The following LY9 variants were observed in gnomAD, a reference collection of about 807,000 sequenced individuals.
LY9 encodes the protein T-lymphocyte surface antigen Ly-9.
LY9 carries 59 observed loss-of-function variants against 64.6 expected under a neutral mutation model. The observed-to-expected ratio is 0.91, with a 90% confidence interval of 0.74 to 1.13. The LOEUF (loss-of-function observed/expected upper bound fraction) is 1.13. LY9 is among the 50% of genes most tolerant of loss of function. The pLI is 0.00. For synonymous variants in LY9, 281 were observed against 308.5 expected (o/e 0.91, Z 0.93); for missense variants, 789 against 797.2 (o/e 0.99, Z 0.12).
chr1:160,820,254 T>C (rs997395877), intron 7 of LY9, among the ~76,000 whole-genome samples: 3 of 152,046 alleles, frequency 2.0e-5, no homozygotes, highest in African/African-American at 7.2e-5. Context: ...TCGTGGGAAA[T>C]GGAACTGCTC....
At chr1:160,802,123 A>G in intron 2 of LY9, 2 of 1,343,312 alleles carry the variant, frequency 1.5e-6, no homozygotes, top group Non-Finnish European at 1.9e-6. Context: ...CAACTTGGAG[A>G]CTCCTGGTCT....
chr1:160,803,876 G>A (rs574184279), intron 2 of LY9, among the ~76,000 whole-genome samples: 52 of 152,262 alleles, frequency 3.4e-4, no homozygotes, highest in African/African-American at 1.2e-3. Flanking sequence ...GGGCATGGTG[G>A]CATGTGCCTG....
intron 7 of LY9, among the ~76,000 whole-genome samples, chr1:160,822,319 A>G (rs1318210416): frequency 1.3e-5 from 2 of 152,084 alleles, no homozygotes; most frequent in African/African-American, 4.8e-5. Flanking sequence ...TGATTTACCT[A>G]GGGCTCACAG....
At chr1:160,799,681 C>A in intron 1 of LY9, 72 bp from the exon 2 acceptor site, 2 of 922,866 alleles carry the variant, frequency 2.2e-6, no homozygotes, top group South Asian at 1.6e-5. Context: ...AATGTATATT[C>A]ACAGAGTGAA....
At chr1:160,827,132 C>A (rs1668894440) in intron 9 of LY9, among the ~76,000 whole-genome samples, 1 of 152,196 alleles carries the variant, frequency 6.6e-6, no homozygotes, top group African/African-American at 2.4e-5. Flanking sequence ...GCCATTATTG[C>A]CTACTTGATC....
intron 9 of LY9, among the ~76,000 whole-genome samples, chr1:160,826,597 A>G (rs554279344): frequency 6.6e-6 from 1 of 152,346 alleles, no homozygotes; most frequent in South Asian, 2.1e-4. Context: ...CACAGTTCCT[A>G]AGGGTTTTTC....
chr1:160,826,483 A>G (rs988378269), intron 9 of LY9, among the ~76,000 whole-genome samples: 1 of 152,264 alleles, frequency 6.6e-6, no homozygotes, highest in African/African-American at 2.4e-5. Context: ...CTACTGCTCA[A>G]GATCATCACC....
At chr1:160,819,205 CT>C in intron 6 of LY9, 115 bp from the exon 7 acceptor site, 3 of 820,200 alleles carry the variant, frequency 3.7e-6, no homozygotes, top group Non-Finnish European at 6.4e-6. Flanking sequence ...TTCCTGAAGC[CT>C]TTTCCCTGTC....
chr1:160,803,654 A>G (rs913101916), intron 2 of LY9, among the ~76,000 whole-genome samples: 41 of 152,172 alleles, frequency 2.7e-4, no homozygotes, highest in African/African-American at 9.7e-4. Flanking sequence ...AACTTTAATG[A>G]ATTCATTTAT....
At chr1:160,801,772 A>G (rs1207385178) in intron 2 of LY9, 1 of 1,582,334 alleles carries the variant, frequency 6.3e-7, no homozygotes. Flanking sequence ...TCTGCATGTG[A>G]CTATTCAATT....
chr1:160,811,245 T>C (rs1300014159), intron 2 of LY9: 1 of 152,218 alleles, frequency 6.6e-6, no homozygotes, highest in Non-Finnish European at 1.5e-5. Flanking sequence ...TACAGCTGTA[T>C]TGACTTATTT....
chr1:160,802,333 C>T, intron 2 of LY9: 4 of 988,314 alleles, frequency 4.0e-6, no homozygotes, highest in Non-Finnish European at 4.8e-6. Context: ...CCCCTGCAGG[C>T]GCGGGAGGCC....
chr1:160,819,836 A>AAAGGAAGG (rs758315397), intron 7 of LY9, among the ~76,000 whole-genome samples: 1 of 109,214 alleles, frequency 9.2e-6, no homozygotes, highest in Non-Finnish European at 1.9e-5. Context: ...AGAGAGAAAG[A>AAAGGAAGG]AAGGAAGGAA....
At chr1:160,809,973 G>C (rs931940921) in intron 2 of LY9, 1 of 152,208 alleles carries the variant, frequency 6.6e-6, no homozygotes, top group Non-Finnish European at 1.5e-5. Flanking sequence ...TCCACCTTCT[G>C]AGTCCAAACA....
chr1:160,799,672 A>G, intron 1 of LY9, 81 bp from the exon 2 acceptor site: 1 of 834,746 alleles, frequency 1.2e-6, no homozygotes, highest in Non-Finnish European at 1.9e-6. Flanking sequence ...TTTATGCCCA[A>G]TGTATATTCA....
At chr1:160,826,453 G>A (rs75088383) in intron 9 of LY9, among the ~76,000 whole-genome samples, 3,457 of 152,300 alleles carry the variant, frequency 0.023, 117 homozygotes, top group African/African-American at 0.076. Context: ...AACACTAAGC[G>A]TGTAGGAGTT....
rs745709266 is a variant in LY9 at position 160,799,763 on chromosome 1, C to T, written c.135C>T (p.Ala45=). ...SLLFLLMGLR[A]SGKDSAPTVV... is the part of the protein sequence containing the mutation. ...CTTCTATCTCTGCAGGACTAAGAGC[C>T]TCTGGAAAGGACTCAGCCCCAACAG... is the stretch of plus-strand genomic sequence containing the variant. Residue 45 remains alanine (A), a synonymous_variant, in exon 2 of 10, where the codon GCC becomes GCT. Coordinates refer to ENST00000263285, the MANE Select transcript of LY9 (RefSeq NM_002348.4). 6.2e-7 allele frequency: 1 copy of T among 1,611,796 alleles called. No homozygotes were observed. The highest frequency in any genetic ancestry group is 8.5e-7 in the Non-Finnish European group (1 of 1,178,482).
chr1:160,802,009 T>C, intron 2 of LY9: 1 of 1,516,714 alleles, frequency 6.6e-7, no homozygotes, highest in Non-Finnish European at 8.8e-7. Context: ...GATGGGACCC[T>C]GCCAGGCCCA....
rs770254964 is a variant in LY9 at position 160,801,794 on chromosome 1, A to G, written c.454+1712A>G. The G allele has an allele frequency of 2.2e-5, 35 of 1,612,368 alleles. No individual in the cohort carries two copies. The African/African-American group carries it at 2.4e-4, about 11-fold the overall frequency. ...GTGACTATTCAATTTTCCCAGCACC[A>G]TTTATTGAAAAGTTGTCCGTCCACG... On this transcript the variant is annotated intron_variant, in intron 2 of 9. Transcript: ENST00000263285.
Sources: gnomAD v4.1 joint callset for allele counts (sites outside exome capture counted in the v4.1 genomes callset) on GRCh38, gnomAD v4.1.1 for gene constraint, MANE v1.5 for transcripts, NCBI Gene and HGNC (gene_info 2026-07-23, HGNC 2026-07-21) for gene names.